The following DTD1 variants were observed in gnomAD, a reference collection of about 807,000 sequenced individuals.
The protein encoded by DTD1 is D-aminoacyl-tRNA deacylase 1, also known as D-tyrosyl-tRNA deacylase 1 homolog.
Under a neutral mutation model 25.6 loss-of-function variants are expected in DTD1, and 13 were observed. The observed-to-expected ratio is 0.51, with a 90% CI of 0.33 to 0.81. DTD1 has a LOEUF of 0.81. Among genes scored for constraint, DTD1 ranks in the 30% least tolerant of loss-of-function variants. The pLI is 0.02. For missense variants in DTD1, 193 were observed against 266.4 expected (o/e 0.72, Z 1.92); for synonymous variants, 110 against 103.6 (o/e 1.06, Z -0.37).
intron 4 of DTD1, among the ~76,000 whole-genome samples, chr20:18,663,506 A>G (rs889650653): frequency 1.5e-4 from 23 of 152,198 alleles, no homozygotes; most frequent in African/African-American, 4.6e-4. Context: ...GGATCCATAT[A>G]TCTATGCAGT....
rs1353988110 is a variant in DTD1, at chr20:18,710,739, G to C, written c.478-33361G>C. 3.3e-5 allele frequency among the ~76,000 whole-genome samples: 5 copies of C among 152,306 alleles called. 1 individual carries two copies. In the South Asian group the frequency reaches 1.0e-3, roughly 32 times the overall value. On this transcript the variant is annotated intron_variant, in intron 4 of 5. Coordinates refer to ENST00000377452, the MANE Select transcript of DTD1 (RefSeq NM_080820.6). ...CAACAGCCCTTAAATGCAGGTGGCT[G>C]ACAGTGGCCTGTGTTACCAATGTAA... is the stretch of plus-strand genomic sequence containing the variant.
At chr20:18,628,102 G>C (rs1163571884) in intron 3 of DTD1, 25 bp from the exon 4 acceptor site, 1 of 1,601,418 alleles carries the variant, frequency 6.2e-7, no homozygotes, top group Non-Finnish European at 8.6e-7. Flanking sequence ...TCCATCTTTG[G>C]TAACTGTTTG....
chr20:18,688,966 A>G (rs2122429521), intron 4 of DTD1, among the ~76,000 whole-genome samples: 1 of 152,342 alleles, frequency 6.6e-6, no homozygotes, highest in East Asian at 1.9e-4. Context: ...TAAAAAATTC[A>G]GAACCCTCTG....
At position 18,765,880 on chromosome 20, in the gene DTD1, C is replaced by T. The variant is rs1218997612; in HGVS notation, c.*2540C>T. The T allele has an allele frequency of 3.3e-5, 5 of 152,242 alleles. No individual in the cohort carries two copies. Among genetic ancestry groups the T allele is most frequent in the African/African-American group, 7.2e-5 (3 of 41,458 alleles). 9.4% of individuals were successfully genotyped at this position (152,242 alleles called of 1,614,324 possible). On this transcript the variant is annotated 3_prime_UTR_variant, in exon 6 of 6. Transcript: ENST00000377452. ...TTGAATGAGGATGGGAGAGGAGAAT[C>T]GTACCATGTATGGCTTTTCTGAGAA...
intron 4 of DTD1, among the ~76,000 whole-genome samples, chr20:18,678,314 A>T (rs1051182087): frequency 7.2e-5 from 11 of 152,198 alleles, no homozygotes; most frequent in African/African-American, 2.4e-4. Flanking sequence ...AGCTGATTTT[A>T]TGAGGCCTCT....
At chr20:18,733,439 G>C (rs961018330) in intron 4 of DTD1, among the ~76,000 whole-genome samples, 1 of 152,186 alleles carries the variant, frequency 6.6e-6, no homozygotes, top group Non-Finnish European at 1.5e-5. Flanking sequence ...GGCAGTGTCT[G>C]TGGTGGGGAG....
intron 1 of DTD1, chr20:18,588,932 G>T (rs952532850): frequency 1.1e-6 from 1 of 933,110 alleles, no homozygotes; most frequent in Non-Finnish European, 1.3e-6. Flanking sequence ...GCTTTATATT[G>T]TCTTTAGTCT....
intron 4 of DTD1, among the ~76,000 whole-genome samples, chr20:18,724,374 T>G (rs2061216133): frequency 6.6e-6 from 1 of 152,176 alleles, no homozygotes; most frequent in African/African-American, 2.4e-5. Context: ...GTATTTTGTG[T>G]GTGACTTGGG....
intron 4 of DTD1, among the ~76,000 whole-genome samples, chr20:18,728,375 A>C (rs1021952514): frequency 6.6e-6 from 1 of 152,232 alleles, no homozygotes; most frequent in Non-Finnish European, 1.5e-5. Context: ...CGTGCTCCCT[A>C]TGAAACCTCA....
At chr20:18,695,500 C>CTT (rs1359868161) in intron 4 of DTD1, among the ~76,000 whole-genome samples, 2 of 2,838 alleles carry the variant, frequency 7.0e-4, no homozygotes, top group African/African-American at 2.1e-3. Context: ...CTTTCCTTTC[C>CTT]CTTCCCTTCC....
intron 1 of DTD1, among the ~76,000 whole-genome samples, chr20:18,588,502 C>T (rs2060575409): frequency 6.6e-6 from 1 of 152,236 alleles, no homozygotes; most frequent in African/African-American, 2.4e-5. Flanking sequence ...AGCAGGCACT[C>T]CTCCCTTTTC....
chr20:18,666,086 T>G (rs1042117670), intron 4 of DTD1, among the ~76,000 whole-genome samples: 1 of 152,196 alleles, frequency 6.6e-6, no homozygotes, highest in African/African-American at 2.4e-5. Context: ...CCACATTGCA[T>G]TTTGTTGTCA....
chr20:18,605,742 G>T (rs1281133032), intron 3 of DTD1, among the ~76,000 whole-genome samples: 2 of 35,486 alleles, frequency 5.6e-5, no homozygotes, highest in African/African-American at 2.2e-4. Flanking sequence ...AGCTGAAACT[G>T]GATCCCTTCC....
At chr20:18,698,930 G>T (rs2061091044) in intron 4 of DTD1, among the ~76,000 whole-genome samples, 1 of 152,120 alleles carries the variant, frequency 6.6e-6, no homozygotes, top group Non-Finnish European at 1.5e-5. Flanking sequence ...TCTCCTCTTG[G>T]TTACAAAATG....
intron 4 of DTD1, among the ~76,000 whole-genome samples, chr20:18,699,952 T>G (rs1443289025): frequency 2.0e-5 from 3 of 152,242 alleles, no homozygotes; most frequent in Non-Finnish European, 4.4e-5. Context: ...AAGTTACTGT[T>G]GGTAACATAG....
chr20:18,689,239 A>T (rs6081301), intron 4 of DTD1, among the ~76,000 whole-genome samples: 47,743 of 151,924 alleles, frequency 0.31, 8,023 homozygotes, highest in Non-Finnish European at 0.38. Context: ...ATGTGAACAG[A>T]TACAGTTGAG....
intron 5 of DTD1, among the ~76,000 whole-genome samples, chr20:18,748,564 G>T (rs530641668): frequency 6.6e-6 from 1 of 152,118 alleles, no homozygotes; most frequent in Non-Finnish European, 1.5e-5. Context: ...AAAAACACCC[G>T]AGGGTCTCAT....
rs752416863 is a variant in DTD1 at position 18,610,659 on chromosome 20, C to G, written c.370+14418C>G. ...GTATGGTGGCTCTTGCCTGTAATCTCAGCACTTTGGGAGGCCAAGACGGGT... is the reference window on the plus strand; with the variant it reads ...GTATGGTGGCTCTTGCCTGTAATCTGAGCACTTTGGGAGGCCAAGACGGGT... On this transcript the variant is annotated intron_variant, in intron 3 of 5. Coordinates refer to ENST00000377452, the MANE Select transcript of DTD1 (RefSeq NM_080820.6). Among the ~76,000 whole-genome samples, 197 of 152,312 alleles carry G rather than the reference C, an allele frequency of 1.3e-3. 1 individual carries two copies. Among genetic ancestry groups the G allele is most frequent in the Non-Finnish European group, 2.1e-3 (146 of 68,034 alleles).
At position 18,668,510 on chromosome 20, in the gene DTD1, C is replaced by T. The variant is rs141721411; in HGVS notation, c.477+40277C>T. ...GAGAGCCAGGAGCCAAGCAGTGGGA[C>T]GGTGGCACCATTTGAAGACCTCTGT... On this transcript the variant is annotated intron_variant, in intron 4 of 5. Transcript: ENST00000377452. Among the ~76,000 whole-genome samples, 651 of 152,216 alleles carry T rather than the reference C, an allele frequency of 4.3e-3. 3 individuals are homozygous for T. The highest frequency in any genetic ancestry group is 7.2e-3 in the Non-Finnish European group (487 of 68,020).
Sources: gnomAD v4.1 joint callset for allele counts (sites outside exome capture counted in the v4.1 genomes callset) on GRCh38, gnomAD v4.1.1 for gene constraint, MANE v1.5 for transcripts, NCBI Gene and HGNC (gene_info 2026-07-23, HGNC 2026-07-21) for gene names.